Variants in IL1RAPL1 observed in about 807,000 individuals in gnomAD.
The protein encoded by IL1RAPL1 is interleukin 1 receptor accessory protein like 1.
A neutral mutation model predicts 48.4 loss-of-function variants in IL1RAPL1; 3 were observed. The observed-to-expected ratio is 0.06, with a 90% CI of 0.03 to 0.16. The LOEUF (loss-of-function observed/expected upper bound fraction) is 0.16, where lower values mean the gene tolerates loss of function less well. Among genes scored for constraint, IL1RAPL1 ranks in the 10% least tolerant of loss-of-function variants. The probability of loss-of-function intolerance (pLI) is 1.00; values close to 1 mark genes in which losing one functional copy is unlikely to be tolerated. For synonymous variants in IL1RAPL1, 185 were observed against 187.7 expected, an observed-to-expected ratio of 0.99 and a Z score of 0.12; for missense variants, 349 against 530.6, an observed-to-expected ratio of 0.66 and a Z score of 3.36.
intron 5 of IL1RAPL1, among the ~76,000 whole-genome samples, chrX:29,550,475 G>A (rs899703712): frequency 2.7e-5 from 3 of 111,835 alleles, no homozygotes; most frequent in Non-Finnish European, 3.8e-5. Context: ...CACTGCGCCC[G>A]GCCTAATTTT....
intron 6 of IL1RAPL1, among the ~76,000 whole-genome samples, chrX:29,717,203 T>TACACACACACAC (rs61417683): frequency 0.086 from 8,155 of 95,380 alleles, 357 homozygotes; most frequent in East Asian, 0.19. Context: ...AGAGCCAGAT[T>TACACACACACAC]ACACACACAC....
chrX:28,995,947 A>G (rs912114949), intron 2 of IL1RAPL1, among the ~76,000 whole-genome samples: 1 of 111,151 alleles, frequency 9.0e-6, no homozygotes, highest in African/African-American at 3.3e-5. Context: ...TTATTGAGAT[A>G]TAATTTACAT....
intron 3 of IL1RAPL1, among the ~76,000 whole-genome samples, chrX:29,339,701 T>C (rs943022571): frequency 5.3e-5 from 6 of 112,228 alleles, no homozygotes; most frequent in African/African-American, 1.6e-4. Context: ...TGTTACTAAC[T>C]AAAGTCCACA....
chrX:28,908,362 T>C (rs1226471403), intron 2 of IL1RAPL1, among the ~76,000 whole-genome samples: 1 of 111,774 alleles, frequency 8.9e-6, no homozygotes, highest in Non-Finnish European at 1.9e-5. Context: ...AGTAGTATGT[T>C]CACTGCATCC....
intron 2 of IL1RAPL1, among the ~76,000 whole-genome samples, chrX:28,830,453 AGTT>A (rs1398040418): frequency 2.7e-5 from 3 of 111,538 alleles, no homozygotes; most frequent in Non-Finnish European, 5.6e-5. Context: ...TTTTTGCTTT[AGTT>A]GTTATACTTT....
intron 2 of IL1RAPL1, among the ~76,000 whole-genome samples, chrX:28,861,984 G>A (rs745995670): frequency 2.2e-4 from 24 of 111,300 alleles, no homozygotes; most frequent in African/African-American, 7.5e-4. Context: ...GTGTCCTGCA[G>A]CAATAGAATT....
At chrX:29,747,005 A>G (rs1928351432) in intron 6 of IL1RAPL1, among the ~76,000 whole-genome samples, 1 of 112,871 alleles carries the variant, frequency 8.9e-6, no homozygotes, top group Non-Finnish European at 1.9e-5. Context: ...CCAAAGCACC[A>G]TGCCAGCAAG....
chrX:28,729,928 G>A (rs772857594), intron 1 of IL1RAPL1, among the ~76,000 whole-genome samples: 141 of 111,034 alleles, frequency 1.3e-3, no homozygotes, highest in South Asian at 1.9e-3. Flanking sequence ...CCCAGGAGGC[G>A]GAGCTTGCAG....
chrX:28,895,593 A>T (rs778305866), intron 2 of IL1RAPL1, among the ~76,000 whole-genome samples: 1 of 110,711 alleles, frequency 9.0e-6, no homozygotes, highest in East Asian at 2.9e-4. Flanking sequence ...AGGTGGGGAT[A>T]ACTAAAAAAG....
chrX:29,080,994 T>TTCTTTCTTTCTCTCTC (rs1569232789), intron 2 of IL1RAPL1, among the ~76,000 whole-genome samples: 8 of 26,429 alleles, frequency 3.0e-4, no homozygotes, highest in Admixed American at 1.1e-3. Flanking sequence ...CTTTCTTTCT[T>TTCTTTCTTTCTCTCTC]TCTCTCTCTC....
chrX:29,682,953 G>C (rs1011871057), intron 6 of IL1RAPL1, among the ~76,000 whole-genome samples: 13 of 112,160 alleles, frequency 1.2e-4, no homozygotes, highest in Admixed American at 1.1e-3. Flanking sequence ...GGAAAGATCA[G>C]ATGGATATTG....
chrX:28,713,786 A>G (rs73630075), intron 1 of IL1RAPL1, among the ~76,000 whole-genome samples: 3,162 of 111,744 alleles, frequency 0.028, 100 homozygotes, highest in African/African-American at 0.098. Flanking sequence ...AAGGCAGCCA[A>G]TTGTGTCTGT....
intron 6 of IL1RAPL1, among the ~76,000 whole-genome samples, chrX:29,728,387 C>T (rs1387824181): frequency 8.9e-6 from 1 of 112,044 alleles, no homozygotes; most frequent in African/African-American, 3.2e-5. Context: ...ATCTTTATCT[C>T]TCTCAATGTG....
intron 5 of IL1RAPL1, among the ~76,000 whole-genome samples, chrX:29,438,416 G>C (rs771804941): frequency 9.0e-6 from 1 of 111,052 alleles, no homozygotes; most frequent in African/African-American, 3.3e-5. Flanking sequence ...CCTCTGTGCA[G>C]TGTGCTTTGG....
chrX:29,402,962 T>A (rs1227385442), intron 5 of IL1RAPL1, among the ~76,000 whole-genome samples: 1 of 111,831 alleles, frequency 8.9e-6, no homozygotes, highest in African/African-American at 3.3e-5. Context: ...ACTGTTGATG[T>A]TGATCTTGAT....
At chrX:28,611,922 AC>A (rs1409036470) in intron 1 of IL1RAPL1, among the ~76,000 whole-genome samples, 1 of 112,144 alleles carries the variant, frequency 8.9e-6, no homozygotes, top group Non-Finnish European at 1.9e-5. Flanking sequence ...ACTACCCATG[AC>A]CCAAATCCAG....
chrX:29,801,683 A>G (rs1929907832), intron 6 of IL1RAPL1, among the ~76,000 whole-genome samples: 2 of 111,929 alleles, frequency 1.8e-5, no homozygotes, highest in African/African-American at 6.5e-5. Context: ...GCTAGCATTT[A>G]GTTTGTGAAA....
rs112744111 is a variant in IL1RAPL1 at position 28,980,464 on chromosome X, A to C, written c.82+191039A>C. On this transcript the variant is annotated intron_variant, in intron 2 of 10. Coordinates refer to ENST00000378993, the MANE Select transcript of IL1RAPL1 (RefSeq NM_014271.4). ...ATTATCCTACCTCATTTTTATATTA[A>C]TTTCTTACATAATTCTTTTGTCAAA... Among the ~76,000 whole-genome samples, 444 of 112,187 alleles carry C rather than the reference A, an allele frequency of 4.0e-3. 2 individuals are homozygous for C. Among genetic ancestry groups the C allele is most frequent in the African/African-American group, 0.014 (427 of 30,903 alleles).
intron 2 of IL1RAPL1, among the ~76,000 whole-genome samples, chrX:29,080,960 CTTTCTTTCTTTCTTTCTTTCTTTCTT>C (rs1428009061): frequency 5.0e-5 from 2 of 40,262 alleles, no homozygotes; most frequent in African/African-American, 2.4e-4. Context: ...TTCTTTCTTT[CTTTCTTTCTTTCTTTCTTTCTTTCTT>C]TCTTTCTTTC....
Sources: allele counts gnomAD v4.1 joint callset (sites outside exome capture counted in the v4.1 genomes callset), GRCh38; gene constraint gnomAD v4.1.1; transcripts MANE v1.5; gene names NCBI Gene and HGNC (gene_info 2026-07-23, HGNC 2026-07-21).